The following BIRC6 variants were observed in gnomAD, a reference collection of about 807,000 sequenced individuals.
BIRC6 encodes dual E2 ubiquitin-conjugating enzyme/E3 ubiquitin-protein ligase BIRC6.
BIRC6 carries 98 observed loss-of-function variants against 503.3 expected under a neutral mutation model. The observed-to-expected ratio is 0.19, with a 90% CI of 0.17 to 0.23. The LOEUF is 0.23. Among genes scored for constraint, BIRC6 ranks in the 10% least tolerant of loss-of-function variants. The probability of loss-of-function intolerance (pLI) is 1.00; values close to 1 mark genes in which losing one functional copy is unlikely to be tolerated. For missense variants in BIRC6, 5,360 were observed against 5,806.0 expected (o/e 0.92, Z 2.50); for synonymous variants, 2,240 against 2,078.7 (o/e 1.08, Z -2.11).
chr2:32,466,532 A>G (rs999490125), intron 26 of BIRC6, among the ~76,000 whole-genome samples: 1 of 152,342 alleles, frequency 6.6e-6, no homozygotes, highest in Non-Finnish European at 1.5e-5. Context: ...AATGAATGCA[A>G]TATGCAACTT....
chr2:32,403,650 T>G (rs1030871947), intron 8 of BIRC6, among the ~76,000 whole-genome samples: 1 of 152,338 alleles, frequency 6.6e-6, no homozygotes, highest in African/African-American at 2.4e-5. Context: ...GTTACAATAT[T>G]AGTATGTCTG....
chr2:32,510,259 A>C (rs1384553152), intron 52 of BIRC6, among the ~76,000 whole-genome samples: 1 of 152,062 alleles, frequency 6.6e-6, no homozygotes, highest in East Asian at 1.9e-4. Context: ...TTGTATTTTT[A>C]GTAGAGATGG....
chr2:32,365,423 G>A (rs2034758550), intron 1 of BIRC6, among the ~76,000 whole-genome samples: 1 of 151,464 alleles, frequency 6.6e-6, no homozygotes, highest in African/African-American at 2.4e-5. Flanking sequence ...AGGTTCAAGC[G>A]ATTCTCCTGC....
At chr2:32,400,727 C>A (rs963540140) in intron 6 of BIRC6, among the ~76,000 whole-genome samples, 1 of 152,052 alleles carries the variant, frequency 6.6e-6, no homozygotes, top group Non-Finnish European at 1.5e-5. Flanking sequence ...TGGCATTTAT[C>A]GAGTTTCAGC....
chr2:32,590,973 G>GC (rs2061351472), intron 66 of BIRC6: 1 of 985,740 alleles, frequency 1.0e-6, no homozygotes, highest in African/African-American at 1.7e-5. Flanking sequence ...CAGGATGTGA[G>GC]CTAAGGTATG....
intron 42 of BIRC6, 24 bp downstream of exon 42, chr2:32,488,738 A>G: frequency 7.5e-7 from 1 of 1,333,052 alleles, no homozygotes; most frequent in Non-Finnish European, 1.0e-6. Flanking sequence ...GGAGAAAAAC[A>G]TTATAGTCTA....
chr2:32,446,754 T>G (rs980614211), intron 21 of BIRC6, among the ~76,000 whole-genome samples: 16 of 134,640 alleles, frequency 1.2e-4, no homozygotes, highest in Non-Finnish European at 1.6e-4. Flanking sequence ...TTTTTTTTTT[T>G]TTTTTTTTTT....
chr2:32,358,567 A>G lies in BIRC6; in HGVS notation c.325+1081A>G, dbSNP rs529823450. ...CCTGCATAGAGATGTAATGTATACA[A>G]CTGTCTGCGTTTAGCCAAGTGGAAG... On this transcript the variant is annotated intron_variant, in intron 1 of 73. Coordinates refer to ENST00000421745, the MANE Select transcript of BIRC6 (RefSeq NM_016252.4). 5.3e-5 allele frequency among the ~76,000 whole-genome samples: 8 copies of G among 152,378 alleles called. No individual in the cohort carries two copies. The East Asian group carries it at 1.3e-3, about 26-fold the overall frequency.
In BIRC6 at chr2:32,379,955, A is replaced by G. The variant is rs141620985; in HGVS notation, c.508-198A>G. On this transcript the variant is annotated intron_variant, in intron 2 of 73. Coordinates refer to ENST00000421745, the MANE Select transcript of BIRC6 (RefSeq NM_016252.4). ...CATGTAGTATTTCTACACTGAATAC[A>G]TTGCTTTATCTCATTTAATTTTATA... Among the ~76,000 whole-genome samples, 512 of 152,288 alleles carry G rather than the reference A, an allele frequency of 3.4e-3. 3 individuals carry two copies. The highest frequency in any genetic ancestry group is 5.9e-3 in the Non-Finnish European group (399 of 68,018).
At chr2:32,434,269 G>C (rs772710756) in intron 13 of BIRC6, among the ~76,000 whole-genome samples, 3 of 152,122 alleles carry the variant, frequency 2.0e-5, no homozygotes, top group Non-Finnish European at 4.4e-5. Flanking sequence ...TACACATTTA[G>C]CATGGTTAGA....
At chr2:32,451,539 A>G (rs1471287871) in intron 22 of BIRC6, among the ~76,000 whole-genome samples, 1 of 152,214 alleles carries the variant, frequency 6.6e-6, no homozygotes, top group Non-Finnish European at 1.5e-5. Context: ...TGCAGTAAAA[A>G]TTATTAATTT....
At chr2:32,362,865 A>G (rs1442805039) in intron 1 of BIRC6, among the ~76,000 whole-genome samples, 1 of 152,110 alleles carries the variant, frequency 6.6e-6, no homozygotes, top group East Asian at 1.9e-4. Flanking sequence ...ATTTTTAAAC[A>G]CCTTGACTAA....
At chr2:32,435,424 A>C in intron 13 of BIRC6, 72 bp from the exon 14 acceptor site, 1 of 1,403,556 alleles carries the variant, frequency 7.1e-7, no homozygotes, top group Non-Finnish European at 9.3e-7. Context: ...ATTAAAGAAA[A>C]TTAAGTTTAC....
At chr2:32,420,115 T>C (rs1039294370) in intron 10 of BIRC6, among the ~76,000 whole-genome samples, 1 of 152,230 alleles carries the variant, frequency 6.6e-6, no homozygotes, top group Non-Finnish European at 1.5e-5. Context: ...TGTTCATAGT[T>C]TTTGCATATC....
At chr2:32,615,146 C>G (rs184153844) in intron 73 of BIRC6, among the ~76,000 whole-genome samples, 69 of 152,276 alleles carry the variant, frequency 4.5e-4, no homozygotes, top group Admixed American at 1.9e-3. Flanking sequence ...CACTCACTAT[C>G]TCAGGACAGC....
intron 39 of BIRC6, among the ~76,000 whole-genome samples, chr2:32,484,625 A>G (rs1364710330): frequency 2.0e-5 from 3 of 152,058 alleles, no homozygotes; most frequent in Non-Finnish European, 2.9e-5. Flanking sequence ...GAACGGACTC[A>G]TGGTTGCCTT....
intron 51 of BIRC6, 141 bp from the exon 52 acceptor site, chr2:32,509,597 T>G: frequency 1.1e-6 from 1 of 922,024 alleles, no homozygotes; most frequent in South Asian, 1.7e-5. Context: ...TTACTTAATT[T>G]GCAGCATTCT....
chr2:32,433,764 A>G lies in BIRC6; in HGVS notation c.3369A>G (p.Thr1123=). The G allele has an allele frequency of 1.3e-6, 2 of 1,591,164 alleles. No individual in the cohort carries two copies. Among genetic ancestry groups the G allele is most frequent in the South Asian group, 2.3e-5 (2 of 88,098 alleles). The change falls in exon 13 of 74, where the codon ACA becomes ACG. Residue 1123 remains threonine (T), a synonymous_variant. Coordinates refer to ENST00000421745, the MANE Select transcript of BIRC6 (RefSeq NM_016252.4). ...CCAATATTCCACAGATACAAGTGAC[A>G]CTGCTGAAAAATAAAGCTCCAGGAT... ...NITNIPQIQV[T]LLKNKAPGLG...
intron 33 of BIRC6, among the ~76,000 whole-genome samples, chr2:32,475,730 T>G (rs927333061): frequency 6.6e-6 from 1 of 152,118 alleles, no homozygotes; most frequent in Non-Finnish European, 1.5e-5. Context: ...CTTAATTTAT[T>G]TATATATAGC....
Sources: gnomAD v4.1 joint callset for allele counts (sites outside exome capture counted in the v4.1 genomes callset) on GRCh38, gnomAD v4.1.1 for gene constraint, MANE v1.5 for transcripts, NCBI Gene and HGNC (gene_info 2026-07-23, HGNC 2026-07-21) for gene names.